The following CHRDL1 variants were observed in gnomAD, a reference collection of about 807,000 sequenced individuals.
CHRDL1 encodes the protein chordin like 1.
A neutral mutation model predicts 40.9 loss-of-function variants in CHRDL1; 19 were observed. That is an observed-to-expected ratio of 0.46 (90% CI 0.32 to 0.68). CHRDL1 has a LOEUF of 0.68. Among genes scored for constraint, CHRDL1 ranks in the 30% least tolerant of loss-of-function variants. The pLI is 0.03. For synonymous variants in CHRDL1, 136 were observed against 123.4 expected (o/e 1.10, Z -0.68); for missense variants, 329 against 352.1 (o/e 0.93, Z 0.53).
At chrX:110,683,615 G>T (rs953393495) in intron 9 of CHRDL1, among the ~76,000 whole-genome samples, 1 of 112,066 alleles carries the variant, frequency 8.9e-6, no homozygotes, top group African/African-American at 3.2e-5. Context: ...AAATGCTCAT[G>T]ATAGCAATAA....
rs930323270 is a variant in CHRDL1 at position 110,761,062 on chromosome X, C to T, written c.208-1308G>A. On this transcript the variant is annotated intron_variant, in intron 3 of 11. Coordinates refer to ENST00000372042, the MANE Select transcript of CHRDL1 (RefSeq NM_001143981.2). ...CAATGATGACAATAACAGCTGTTAACATTTCTTGAATGTTTACCAAGACTA... is the reference window on the plus strand; with the variant it reads ...CAATGATGACAATAACAGCTGTTAATATTTCTTGAATGTTTACCAAGACTA... Among the ~76,000 whole-genome samples, 6 of 111,931 alleles carry T rather than the reference C, an allele frequency of 5.4e-5. No homozygotes were observed. The Admixed American group carries it at 5.7e-4, about 11-fold the overall frequency.
At chrX:110,723,861 T>C (rs2071008829) in intron 4 of CHRDL1, among the ~76,000 whole-genome samples, 1 of 112,681 alleles carries the variant, frequency 8.9e-6, no homozygotes, top group Non-Finnish European at 1.9e-5. Flanking sequence ...AACTACTTAT[T>C]AATGACCCTT....
chrX:110,741,975 T>C (rs370383925), intron 4 of CHRDL1, among the ~76,000 whole-genome samples: 65 of 112,271 alleles, frequency 5.8e-4, no homozygotes, highest in African/African-American at 2.1e-3. Flanking sequence ...TATTGCTGTG[T>C]TACCATAGGT....
chrX:110,790,821 C>T (rs575441681), intron 2 of CHRDL1, among the ~76,000 whole-genome samples: 11 of 107,519 alleles, frequency 1.0e-4, no homozygotes, highest in African/African-American at 3.7e-4. Flanking sequence ...AAGAAGGAAG[C>T]AATTTGAGGG....
chrX:110,736,870 A>C (rs756760422), intron 4 of CHRDL1, among the ~76,000 whole-genome samples: 194 of 111,969 alleles, frequency 1.7e-3, no homozygotes, highest in African/African-American at 6.1e-3. Flanking sequence ...GATATTCATT[A>C]GTTCTTTTCT....
At chrX:110,694,118 C>T (rs373517317) in intron 8 of CHRDL1, 45 bp downstream of exon 8, 75 of 1,085,166 alleles carry the variant, frequency 6.9e-5, no homozygotes, top group Non-Finnish European at 8.8e-5. Flanking sequence ...ACCAGGGCTG[C>T]TGAAGCCTTG....
chrX:110,689,606 C>CTATATATCTA (rs1569461826), intron 8 of CHRDL1, among the ~76,000 whole-genome samples: 59 of 2,285 alleles, frequency 0.026, 2 homozygotes, highest in East Asian at 0.036. Context: ...CTATATATAT[C>CTATATATCTA]TATATATCTA....
chrX:110,782,879 T>C (rs1037535975), intron 2 of CHRDL1, among the ~76,000 whole-genome samples: 1 of 112,349 alleles, frequency 8.9e-6, no homozygotes, highest in African/African-American at 3.2e-5. Context: ...AAACACTAAC[T>C]GCTGATAGAA....
intron 4 of CHRDL1, among the ~76,000 whole-genome samples, chrX:110,735,607 T>C (rs1011590703): frequency 2.7e-5 from 3 of 112,282 alleles, no homozygotes; most frequent in African/African-American, 9.7e-5. Flanking sequence ...CAGTATCTTT[T>C]CTTTCATTAG....
chrX:110,794,875 G>A (rs185773380), intron 1 of CHRDL1, among the ~76,000 whole-genome samples: 10 of 111,874 alleles, frequency 8.9e-5, no homozygotes, highest in African/African-American at 3.3e-4. Flanking sequence ...TTTTCTTTCC[G>A]ACAAACAATA....
intron 4 of CHRDL1, among the ~76,000 whole-genome samples, chrX:110,755,992 A>G (rs1461947461): frequency 8.9e-6 from 1 of 111,942 alleles, no homozygotes; most frequent in Non-Finnish European, 1.9e-5. Context: ...AGGATTTAAC[A>G]GCCACGGTGT....
At chrX:110,723,277 C>G (rs187229658) in intron 4 of CHRDL1, among the ~76,000 whole-genome samples, 2 of 110,709 alleles carry the variant, frequency 1.8e-5, no homozygotes, top group Non-Finnish European at 3.8e-5. Context: ...GACAAACAAA[C>G]AAACAAGCAA....
At chrX:110,751,401 T>C (rs1271656902) in intron 4 of CHRDL1, among the ~76,000 whole-genome samples, 1 of 112,158 alleles carries the variant, frequency 8.9e-6, no homozygotes, top group African/African-American at 3.2e-5. Flanking sequence ...CTCCAAAAAA[T>C]GGGTATTATG....
At position 110,694,689 on chromosome X, in the gene CHRDL1, G is replaced by A. The variant is rs180884009; in HGVS notation, c.610-358C>T. 7.4e-3 allele frequency among the ~76,000 whole-genome samples: 827 copies of A among 112,251 alleles called. 6 individuals carry two copies. The highest frequency in any genetic ancestry group is 0.025 in the African/African-American group (779 of 30,905). On this transcript the variant is annotated intron_variant, in intron 7 of 11. Coordinates refer to ENST00000372042, the MANE Select transcript of CHRDL1 (RefSeq NM_001143981.2). The stretch of plus-strand genomic sequence containing the variant: ...TAAGAGTTAAGACAGTAGTCTGCAC[G>A]CAAGGCAGAATGTGAATAGAGGCTG...
chrX:110,704,382 GTA>G (rs1236918598), intron 6 of CHRDL1, among the ~76,000 whole-genome samples: 1 of 111,789 alleles, frequency 8.9e-6, no homozygotes, highest in Non-Finnish European at 1.9e-5. Flanking sequence ...CAATTTTTCT[GTA>G]GGGGTTCCTA....
chrX:110,758,130 CAA>C (rs1165155426), intron 4 of CHRDL1, among the ~76,000 whole-genome samples: 2,217 of 82,792 alleles, frequency 0.027, 70 homozygotes, highest in African/African-American at 0.089. Flanking sequence ...AACAAAAAAA[CAA>C]AAAAAAAAAA....
At chrX:110,739,367 G>A (rs2071322039) in intron 4 of CHRDL1, among the ~76,000 whole-genome samples, 1 of 112,014 alleles carries the variant, frequency 8.9e-6, no homozygotes, top group African/African-American at 3.2e-5. Flanking sequence ...CTGCAGTTAG[G>A]TGGAGCCATG....
intron 6 of CHRDL1, among the ~76,000 whole-genome samples, chrX:110,709,551 T>G (rs1289664412): frequency 1.8e-5 from 2 of 112,683 alleles, no homozygotes; most frequent in Non-Finnish European, 3.7e-5. Context: ...TTAGAATTTC[T>G]CATAATTATG....
At chrX:110,691,028 G>C (rs1401992168) in intron 8 of CHRDL1, among the ~76,000 whole-genome samples, 2 of 110,131 alleles carry the variant, frequency 1.8e-5, no homozygotes, top group Non-Finnish European at 3.8e-5. Context: ...GGCAAACAAA[G>C]GGAGACCCCA....
Sources: gnomAD v4.1 joint callset for allele counts (sites outside exome capture counted in the v4.1 genomes callset) on GRCh38, gnomAD v4.1.1 for gene constraint, MANE v1.5 for transcripts, NCBI Gene and HGNC (gene_info 2026-07-23, HGNC 2026-07-21) for gene names.